Variants in STRN observed in about 807,000 individuals in gnomAD.
The protein encoded by STRN is striatin.
Under a neutral mutation model 96.3 loss-of-function variants are expected in STRN, and 53 were observed. The observed-to-expected ratio is 0.55, with a 90% CI of 0.44 to 0.69. The LOEUF is 0.69. STRN is among the 30% of genes least tolerant of loss of function. STRN has a pLI of 0.00. For missense variants in STRN, 987 were observed against 963.9 expected, an observed-to-expected ratio of 1.02 and a Z score of -0.32; for synonymous variants, 428 against 355.9, an observed-to-expected ratio of 1.20 and a Z score of -2.28.
At position 36,966,372 on chromosome 2, in the gene STRN, G is replaced by A. The variant is rs1296109661; in HGVS notation, c.92C>T (p.Ala31Val). The A allele has an allele frequency of 2.0e-6, 3 of 1,464,258 alleles. No individual in the cohort carries two copies. Among genetic ancestry groups the A allele is most frequent in the Admixed American group, 2.7e-5 (1 of 37,018 alleles). 90.7% of individuals were successfully genotyped at this position (1,464,258 alleles called of 1,614,324 possible). A position where few individuals can be genotyped will look rare whatever the true frequency, so the allele number is the denominator to read the frequency against. ...CGCAGCCGCCCCGTCGCCGGCCGCGGCAGCCTCCGCCAGAGGCCCGAGCCC... is the reference window on the plus strand; with the variant it reads ...CGCAGCCGCCCCGTCGCCGGCCGCGACAGCCTCCGCCAGAGGCCCGAGCCC... The part of the protein sequence containing the change: ...AKGLGPLAEA[A>V]AAGDGAAAAG... The change falls in exon 1 of 18, where the codon GCC (alanine) becomes GTC (valine). Residue 31 changes from alanine to valine, a missense_variant. Physicochemically the swap from Ala to Val is moderately conservative, Grantham distance 64. Transcript: ENST00000263918.
At chr2:36,882,540 T>A (rs1346797865) in intron 9 of STRN, among the ~76,000 whole-genome samples, 1 of 151,900 alleles carries the variant, frequency 6.6e-6, no homozygotes, top group African/African-American at 2.4e-5. Flanking sequence ...GCCGACGCAG[T>A]TGGATCACTT....
intron 1 of STRN, among the ~76,000 whole-genome samples, chr2:36,951,130 A>G (rs1664743701): frequency 6.6e-6 from 1 of 152,260 alleles, no homozygotes. Flanking sequence ...CATAGGCTTT[A>G]GAAAAGGAAA....
At chr2:36,890,922 C>T (rs369199638) in intron 7 of STRN, among the ~76,000 whole-genome samples, 1 of 152,166 alleles carries the variant, frequency 6.6e-6, no homozygotes, top group African/African-American at 2.4e-5. Context: ...TCATAGGAAG[C>T]TCCAACATAA....
chr2:36,925,310 A>C, intron 1 of STRN, 102 bp from the exon 2 acceptor site: 3 of 728,404 alleles, frequency 4.1e-6, no homozygotes, highest in Non-Finnish European at 7.0e-6. Flanking sequence ...AGATGCAAAA[A>C]TATTTCCTTT....
At position 36,893,760 on chromosome 2, in the gene STRN, G is replaced by C. The variant is rs148412325; in HGVS notation, c.931+138C>G. On this transcript the variant is annotated intron_variant, in intron 7 of 17. Transcript: ENST00000263918. ...TAAACATACACACACATTCACCCTG[G>C]ATAAAGGGTGCTAGTAGTAATAAGT... 2.3e-4 allele frequency: 224 copies of C among 985,248 alleles called. No homozygotes were observed. The African/African-American group carries it at 3.0e-3, about 13-fold the overall frequency. The allele number at this position is 985,248 out of a possible 1,614,324, so 61.0% of individuals were successfully genotyped here. A position where few individuals can be genotyped will look rare whatever the true frequency, so the allele number is the denominator to read the frequency against.
chr2:36,867,342 T>A (rs1668654490), intron 12 of STRN: 1 of 150,910 alleles, frequency 6.6e-6, no homozygotes, highest in Non-Finnish European at 1.5e-5. Flanking sequence ...TGCCACTGCA[T>A]CCAGACTGGG....
rs751946934 is a variant in STRN at position 36,857,954 on chromosome 2, G to A, written c.1739C>T (p.Ala580Val). ...TGAACAGGACAACAAACGCTGATGT[G>A]CTGCACTATAAGCCAAACCCCAGAC... ...DAVWGLAYSA[A>V]HQRLLSCSAD... is the part of the protein sequence containing the mutation. The change falls in exon 14 of 18, where the codon GCA (alanine) becomes GTA (valine). Residue 580 changes from alanine to valine, a missense_variant. Transcript: ENST00000263918. The A allele has an allele frequency of 1.2e-6, 2 of 1,613,722 alleles. No individual in the cohort carries two copies. Among genetic ancestry groups the A allele is most frequent in the Admixed American group, 1.7e-5 (1 of 59,992 alleles).
At chr2:36,872,176 A>G (rs572321819) in intron 10 of STRN, among the ~76,000 whole-genome samples, 1 of 152,326 alleles carries the variant, frequency 6.6e-6, no homozygotes, top group East Asian at 1.9e-4. Flanking sequence ...CTCTTCACCA[A>G]TAGAATATAG....
chr2:36,857,625 A>C (rs1455270620), intron 14 of STRN, among the ~76,000 whole-genome samples: 1 of 152,100 alleles, frequency 6.6e-6, no homozygotes, highest in African/African-American at 2.4e-5. Context: ...GCGCCACTGC[A>C]CTCCAGCCTG....
At chr2:36,855,565 C>T (rs1056681774) in intron 14 of STRN, among the ~76,000 whole-genome samples, 1 of 152,156 alleles carries the variant, frequency 6.6e-6, no homozygotes, top group East Asian at 1.9e-4. Context: ...CTTAGCAGAT[C>T]TTCTACCTGT....
intron 10 of STRN, among the ~76,000 whole-genome samples, chr2:36,876,726 T>C (rs568731985): frequency 3.3e-5 from 5 of 150,582 alleles, no homozygotes; most frequent in Admixed American, 6.7e-5. Flanking sequence ...TAATAAATTA[T>C]TTATTGTGAT....
At chr2:36,867,774 A>G (rs1476593918) in intron 12 of STRN, 40 bp downstream of exon 12, 4 of 1,349,172 alleles carry the variant, frequency 3.0e-6, no homozygotes, top group Non-Finnish European at 1.0e-6. Flanking sequence ...GCTATTTTAC[A>G]GAGATATCGG....
At chr2:36,925,496 G>GC (rs1670385402) in intron 1 of STRN, among the ~76,000 whole-genome samples, 1 of 152,124 alleles carries the variant, frequency 6.6e-6, no homozygotes, top group Admixed American at 6.6e-5. Context: ...AACTAATATT[G>GC]CCGGATGCGG....
chr2:36,841,842 T>C lies in STRN; in HGVS notation c.*7614A>G, dbSNP rs1667959938. 1 of 152,210 alleles carries C rather than the reference T, an allele frequency of 6.6e-6. No homozygotes were observed. Among genetic ancestry groups the C allele is most frequent in the African/African-American group, 2.4e-5 (1 of 41,454 alleles). 9.4% of individuals were successfully genotyped at this position (152,210 alleles called of 1,614,324 possible). ...AACAAGGACCAATGACAAGCCAGAA[T>C]TGGAACCATTCATTCTTTGAGGTCA... On this transcript the variant is annotated 3_prime_UTR_variant, in exon 18 of 18. Transcript: ENST00000263918.
intron 1 of STRN, among the ~76,000 whole-genome samples, chr2:36,964,866 T>A (rs1426155090): frequency 1.3e-5 from 2 of 152,176 alleles, no homozygotes; most frequent in African/African-American, 2.4e-5. Context: ...CTTGGTCGGT[T>A]TTCTTTCAAC....
chr2:36,899,375 AG>A, intron 6 of STRN, 147 bp downstream of exon 6: 1 of 653,952 alleles, frequency 1.5e-6, no homozygotes. Context: ...ACTTGAAATC[AG>A]TATTACAAAC....
At position 36,846,190 on chromosome 2, in the gene STRN, T is replaced by C. The variant is rs912917488; in HGVS notation, c.*3266A>G. The C allele has an allele frequency of 6.6e-6, 1 of 150,906 alleles. No homozygotes were observed. Among genetic ancestry groups the C allele is most frequent in the Non-Finnish European group, 1.5e-5 (1 of 67,792 alleles). The allele number at this position is 150,906 out of a possible 1,614,324, so 9.3% of individuals were successfully genotyped here. ...AGCCAGGTTTTCTTACATTCAGATT[T>C]TAATACACTAGAATGACAGTCTTTA... is the stretch of plus-strand genomic sequence containing the variant. On this transcript the variant is annotated 3_prime_UTR_variant, in exon 18 of 18. Transcript: ENST00000263918.
rs1377848400 is a variant in STRN at position 36,886,766 on chromosome 2, T to C, written c.992A>G (p.Lys331Arg). Residue 331 changes from lysine (K) to arginine (R), a missense_variant, in exon 8 of 18, where the codon AAA becomes AGA. By Grantham distance (26) the Lys-to-Arg change is conservative. Coordinates refer to ENST00000263918, the MANE Select transcript of STRN (RefSeq NM_003162.4). ...CTCCTTTTTGTATTGTTCCTTGAGT[T>C]TGGTAATTACTCCCTGGTCCACATT... ...AWNVDQGVITKLKEQYKKERK... is the reference protein window; with the variant it reads ...AWNVDQGVITRLKEQYKKERK... 1 of 1,613,662 alleles carries C rather than the reference T, an allele frequency of 6.2e-7. No individual in the cohort carries two copies. The highest frequency in any genetic ancestry group is 1.7e-5 in the Admixed American group (1 of 59,984).
At chr2:36,895,275 C>G (rs1345468682) in intron 6 of STRN, among the ~76,000 whole-genome samples, 1 of 150,596 alleles carries the variant, frequency 6.6e-6, no homozygotes, top group African/African-American at 2.4e-5. Context: ...TGCAGTGAGC[C>G]AAGATCGCGC....
Sources: allele counts gnomAD v4.1 joint callset (sites outside exome capture counted in the v4.1 genomes callset), GRCh38; gene constraint gnomAD v4.1.1; transcripts MANE v1.5; gene names NCBI Gene and HGNC (gene_info 2026-07-23, HGNC 2026-07-21).